The following NBEA variants were observed in gnomAD, a reference collection of about 807,000 sequenced individuals.
The protein encoded by NBEA is lysosomal-trafficking regulator 2.
In NBEA, 44 loss-of-function variants were observed where a neutral mutation model predicts 343.4. That is an observed-to-expected ratio of 0.13 (90% confidence interval 0.10 to 0.16). The LOEUF (loss-of-function observed/expected upper bound fraction) is 0.16. Among genes scored for constraint, NBEA ranks in the 10% least tolerant of loss-of-function variants. The pLI is 1.00. For synonymous variants in NBEA, 1,175 were observed against 1,238.7 expected (o/e 0.95, Z 1.08); for missense variants, 2,555 against 3,631.3 (o/e 0.70, Z 7.62).
At chr13:35,327,046 A>T (rs1021128289) in intron 36 of NBEA, among the ~76,000 whole-genome samples, 1 of 152,104 alleles carries the variant, frequency 6.6e-6, no homozygotes, top group Non-Finnish European at 1.5e-5. Context: ...ATCACTAATC[A>T]TCAGAAAAAT....
chr13:35,000,391 A>C (rs73487612), intron 1 of NBEA, among the ~76,000 whole-genome samples: 1 of 152,072 alleles, frequency 6.6e-6, no homozygotes, highest in African/African-American at 2.4e-5. Context: ...GTTTCGGAGA[A>C]GATAGATATG....
chr13:35,216,270 G>A (rs934059142), intron 33 of NBEA, among the ~76,000 whole-genome samples: 1 of 151,640 alleles, frequency 6.6e-6, no homozygotes, highest in African/African-American at 2.4e-5. Context: ...GAGATTGAGT[G>A]TCTATAAACT....
chr13:35,184,672 A>C (rs2071562614), intron 30 of NBEA, among the ~76,000 whole-genome samples: 1 of 152,104 alleles, frequency 6.6e-6, no homozygotes, highest in Non-Finnish European at 1.5e-5. Context: ...TATAGAAGCC[A>C]TTACATGTAT....
At chr13:35,563,138 GATAGATAGATAGAT>G (rs1566326585) in intron 44 of NBEA, among the ~76,000 whole-genome samples, 24 of 132,134 alleles carry the variant, frequency 1.8e-4, no homozygotes, top group African/African-American at 6.2e-4. Context: ...TGTGGAGATA[GATAGATAGATAGAT>G]AGATAGATAG....
At chr13:35,604,934 C>CCCCA (rs2082222850) in intron 47 of NBEA, among the ~76,000 whole-genome samples, 2 of 152,170 alleles carry the variant, frequency 1.3e-5, no homozygotes, top group Admixed American at 1.3e-4. Context: ...TCCTCAGCTG[C>CCCCA]TATTGTGTAT....
chr13:35,175,189 G>C, intron 27 of NBEA, among the ~76,000 whole-genome samples: 1 of 152,208 alleles, frequency 6.6e-6, no homozygotes, highest in Admixed American at 6.6e-5. Flanking sequence ...CACTTAACTG[G>C]TTTTGCGACC....
chr13:35,093,637 G>A (rs1014362624), intron 10 of NBEA, among the ~76,000 whole-genome samples: 15 of 152,070 alleles, frequency 9.9e-5, no homozygotes, highest in Non-Finnish European at 1.9e-4. Flanking sequence ...AAATAGTTAA[G>A]ATCATCCATG....
chr13:34,992,277 C>CA (rs2152517153), intron 1 of NBEA, among the ~76,000 whole-genome samples: 2 of 122,546 alleles, frequency 1.6e-5, no homozygotes, highest in South Asian at 5.2e-4. Context: ...TTTTTTTAGA[C>CA]AGAGTCTAGC....
chr13:35,308,500 GTA>G (rs374614481), intron 35 of NBEA, among the ~76,000 whole-genome samples: 3,885 of 97,362 alleles, frequency 0.04, 284 homozygotes, highest in African/African-American at 0.12. Context: ...ATATATATGT[GTA>G]TATATATATG....
At chr13:35,310,659 A>G (rs988975351) in intron 36 of NBEA, among the ~76,000 whole-genome samples, 11 of 152,212 alleles carry the variant, frequency 7.2e-5, no homozygotes, top group African/African-American at 2.7e-4. Flanking sequence ...TGACATATAT[A>G]GCTTCTATCA....
intron 36 of NBEA, among the ~76,000 whole-genome samples, chr13:35,345,215 T>C (rs74512452): frequency 0.025 from 3,775 of 152,152 alleles, 158 homozygotes; most frequent in African/African-American, 0.087. Context: ...TTAGAAAGAA[T>C]ACTCTTAGCA....
chr13:35,618,373 A>T (rs1383828912), intron 48 of NBEA, among the ~76,000 whole-genome samples: 1 of 152,246 alleles, frequency 6.6e-6, no homozygotes, highest in Non-Finnish European at 1.5e-5. Context: ...CAGGTATTTG[A>T]TGCATTTGTA....
At chr13:35,102,437 A>G (rs1226495199) in intron 11 of NBEA, among the ~76,000 whole-genome samples, 1 of 151,668 alleles carries the variant, frequency 6.6e-6, no homozygotes, top group African/African-American at 2.4e-5. Flanking sequence ...CAGCTTATCA[A>G]CTTCCACCAA....
At chr13:35,264,987 C>G (rs971797003) in intron 34 of NBEA, among the ~76,000 whole-genome samples, 1 of 151,418 alleles carries the variant, frequency 6.6e-6, no homozygotes, top group Non-Finnish European at 1.5e-5. Flanking sequence ...TGTAGAAAAC[C>G]CTAAAGAATC....
intron 39 of NBEA, among the ~76,000 whole-genome samples, chr13:35,444,851 TTAA>T (rs2045914197): frequency 6.6e-6 from 1 of 152,110 alleles, no homozygotes; most frequent in African/African-American, 2.4e-5. Flanking sequence ...GTAATTTTAT[TTAA>T]TATCTTTAAA....
intron 40 of NBEA, among the ~76,000 whole-genome samples, chr13:35,461,678 C>T (rs911918047): frequency 6.6e-5 from 10 of 152,286 alleles, no homozygotes; most frequent in Admixed American, 5.2e-4. Flanking sequence ...TTGTCACTGC[C>T]ATACCTAAGA....
At chr13:35,636,641 C>T (rs1400230252) in intron 49 of NBEA, among the ~76,000 whole-genome samples, 1 of 152,212 alleles carries the variant, frequency 6.6e-6, no homozygotes, top group Non-Finnish European at 1.5e-5. Context: ...TCCTCCTTCA[C>T]CTCCTGAATC....
At chr13:35,218,254 A>G (rs1380221221) in intron 33 of NBEA, among the ~76,000 whole-genome samples, 1 of 152,110 alleles carries the variant, frequency 6.6e-6, no homozygotes, top group African/African-American at 2.4e-5. Context: ...TACTTTTTCA[A>G]GGCTACAAAT....
Position 35,309,558 on chromosome 13 carries a change from G to A in NBEA, c.5869G>A (p.Gly1957Arg). ...GCAAAACTCTATTCAGAAGAATGCA[G>A]GACTTGCATTTATTGAGCTCATCAA... is the stretch of plus-strand genomic sequence containing the variant. ...EWQNSIQKNA[G>R]LAFIELINEG... is the part of the protein sequence containing the mutation. The change falls in exon 36 of 59, where the codon GGA becomes AGA. Residue 1957 changes from glycine (G) to arginine (R), a missense_variant. Transcript: ENST00000379939. 6.3e-7 allele frequency: 1 copy of A among 1,592,048 alleles called. No homozygotes were observed. The highest frequency in any genetic ancestry group is 8.5e-7 in the Non-Finnish European group (1 of 1,170,374).
Sources: allele counts gnomAD v4.1 joint callset (sites outside exome capture counted in the v4.1 genomes callset), GRCh38; gene constraint gnomAD v4.1.1; transcripts MANE v1.5; gene names NCBI Gene and HGNC (gene_info 2026-07-23, HGNC 2026-07-21).